The following ITPR2 variants were observed in gnomAD, a reference collection of about 807,000 sequenced individuals.
ITPR2 encodes inositol 1,4,5-trisphosphate receptor type 2.
A neutral mutation model predicts 317.1 loss-of-function variants in ITPR2; 207 were observed. The observed-to-expected ratio is 0.65, with a 90% CI of 0.58 to 0.73. The LOEUF is 0.73. Among genes scored for constraint, ITPR2 ranks in the 30% least tolerant of loss-of-function variants. ITPR2 has a pLI of 0.00. For synonymous variants in ITPR2, 1,156 were observed against 1,149.1 expected (o/e 1.01, Z -0.12); for missense variants, 2,613 against 3,284.0 (o/e 0.80, Z 4.99).
chr12:26,693,532 A>T (rs1386066553), intron 10 of ITPR2, among the ~76,000 whole-genome samples: 1 of 152,204 alleles, frequency 6.6e-6, no homozygotes, highest in African/African-American at 2.4e-5. Context: ...ACCTATACAT[A>T]TCCTCCTATA....
At chr12:26,772,418 ATATAT>A (rs1031145153) in intron 2 of ITPR2, among the ~76,000 whole-genome samples, 14 of 118,740 alleles carry the variant, frequency 1.2e-4, no homozygotes, top group South Asian at 7.0e-4. Context: ...ACACATTTAT[ATATAT>A]TATATATAAT....
At chr12:26,787,913 G>A (rs1434944411) in intron 2 of ITPR2, among the ~76,000 whole-genome samples, 5 of 149,314 alleles carry the variant, frequency 3.3e-5, no homozygotes, top group Non-Finnish European at 7.4e-5. Flanking sequence ...CTATCATAAG[G>A]TGACTATCCT....
At chr12:26,738,111 T>C (rs2137076308) in intron 2 of ITPR2, among the ~76,000 whole-genome samples, 1 of 152,298 alleles carries the variant, frequency 6.6e-6, no homozygotes, top group South Asian at 2.1e-4. Flanking sequence ...CACAGATTCT[T>C]TAATCTCTGT....
In ITPR2 at chr12:26,602,575, T is replaced by C. The variant is rs766687018; in HGVS notation, c.3552+42A>G. The stretch of plus-strand genomic sequence containing the variant: ...ATATATAAGCAAAACTTATTTGGCA[T>C]GCAAATATAAACCTATATAAGAATA... On this transcript the variant is annotated intron_variant, in intron 27 of 56. Transcript: ENST00000381340. The C allele has an allele frequency of 3.8e-6, 6 of 1,564,636 alleles. No homozygotes were observed. In the East Asian group the frequency reaches 6.8e-5, roughly 18 times the overall value.
chr12:26,615,390 T>C (rs1463976303), intron 26 of ITPR2, among the ~76,000 whole-genome samples: 1 of 151,920 alleles, frequency 6.6e-6, no homozygotes, highest in African/African-American at 2.4e-5. Context: ...AGTTTAAAAG[T>C]AAATTGGTAG....
chr12:26,615,731 C>T (rs1023234186), intron 26 of ITPR2, among the ~76,000 whole-genome samples: 31 of 152,184 alleles, frequency 2.0e-4, no homozygotes, highest in Non-Finnish European at 3.4e-4. Flanking sequence ...AATTTACAGG[C>T]ATCTAATGAC....
chr12:26,546,400 T>C (rs1189552974), intron 37 of ITPR2, among the ~76,000 whole-genome samples: 2 of 152,198 alleles, frequency 1.3e-5, no homozygotes, highest in Non-Finnish European at 2.9e-5. Context: ...TACCTTCATA[T>C]GATCAAATGT....
At chr12:26,392,246 G>A (rs1034085056) in intron 54 of ITPR2, among the ~76,000 whole-genome samples, 3 of 151,990 alleles carry the variant, frequency 2.0e-5, no homozygotes, top group Non-Finnish European at 2.9e-5. Flanking sequence ...CCTCTTCTTC[G>A]TCTCTGTTAA....
rs1555189219 is a variant in ITPR2, at chr12:26,772,470, T to TAA, written c.163+17686_163+17687insTT. 2.0e-5 allele frequency among the ~76,000 whole-genome samples: 2 copies of TAA among 101,210 alleles called. 1 individual carries two copies. The highest frequency in any genetic ancestry group is 5.2e-4 in the South Asian group (2 of 3,810). 66.4% of individuals were successfully genotyped at this position (101,210 alleles called of 152,430 possible). On this transcript the variant is annotated intron_variant, in intron 2 of 56. Transcript: ENST00000381340. ...ATATATTATATATATAATACATGTATTATATATAATATATATAATACATAT... is the reference window on the plus strand; with the variant it reads ...ATATATTATATATATAATACATGTATAATATATATAATATATATAATACATAT...
intron 2 of ITPR2, among the ~76,000 whole-genome samples, chr12:26,761,411 C>T (rs1949631285): frequency 6.6e-6 from 1 of 152,196 alleles, no homozygotes. Flanking sequence ...AAACCACCAA[C>T]AAAGAACAAA....
chr12:26,593,827 G>T (rs757167084), intron 32 of ITPR2, among the ~76,000 whole-genome samples: 27 of 151,918 alleles, frequency 1.8e-4, no homozygotes, highest in Non-Finnish European at 3.4e-4. Flanking sequence ...TTCTCAGGTG[G>T]CATAATCAAT....
rs144811310 is a variant in ITPR2, at chr12:26,651,794, G to A, written c.2740+2182C>T. ...CGCCCCCTCCTGTCAGAGTCATGAA[G>A]TGCAGTTTCTTTAAAATTTGGCTTT... On this transcript the variant is annotated intron_variant, in intron 21 of 56. Transcript: ENST00000381340. 5.4e-4 allele frequency among the ~76,000 whole-genome samples: 82 copies of A among 152,338 alleles called. No homozygotes were observed. In the East Asian group the frequency reaches 0.014, roughly 27 times the overall value.
In ITPR2 at chr12:26,599,279, C is replaced by A; in HGVS notation, c.3868G>T (p.Glu1290Ter). Residue 1290 changes from glutamate (E) to a stop codon, truncating the protein, a stop_gained, in exon 30 of 57, where the codon GAG becomes TAG. Coordinates refer to ENST00000381340, the MANE Select transcript of ITPR2 (RefSeq NM_002223.4). LOFTEE classifies it high-confidence loss of function. ...TGCACAAAGTGTTGTACAACTCTCT[C>A]GCTAATTTCGTTGCACAGATGGTAA... ...NNYHLCNEIS[E>*]RVVQHFVHCI... is the part of the protein sequence containing the mutation. The A allele has an allele frequency of 6.2e-7, 1 of 1,614,094 alleles. No homozygotes were observed. Among genetic ancestry groups the A allele is most frequent in the South Asian group, 1.1e-5 (1 of 91,082 alleles).
chr12:26,372,328 T>C (rs966352708), intron 55 of ITPR2, among the ~76,000 whole-genome samples: 1 of 152,216 alleles, frequency 6.6e-6, no homozygotes, highest in Non-Finnish European at 1.5e-5. Context: ...AAATAATAAT[T>C]TATTGAGCCC....
At chr12:26,711,082 C>T (rs1948635173) in intron 9 of ITPR2, 91 bp downstream of exon 9, 1 of 771,412 alleles carries the variant, frequency 1.3e-6, no homozygotes, top group Non-Finnish European at 2.3e-6. Context: ...AATGACTGTT[C>T]CTGCAAATAC....
intron 45 of ITPR2, among the ~76,000 whole-genome samples, chr12:26,451,753 G>A (rs1311164809): frequency 6.6e-6 from 1 of 152,090 alleles, no homozygotes; most frequent in Non-Finnish European, 1.5e-5. Context: ...AGACCCTACT[G>A]ATTATAATAA....
chr12:26,632,473 A>C (rs535929754), intron 21 of ITPR2, among the ~76,000 whole-genome samples: 31 of 152,324 alleles, frequency 2.0e-4, no homozygotes, highest in African/African-American at 6.3e-4. Context: ...ACTGCCTAAA[A>C]ACATTTAGAT....
chr12:26,689,152 C>T (rs1466725408), intron 10 of ITPR2, among the ~76,000 whole-genome samples: 1 of 152,188 alleles, frequency 6.6e-6, no homozygotes, highest in Non-Finnish European at 1.5e-5. Context: ...CACAGTGGCT[C>T]ATGCCTATAA....
chr12:26,669,913 G>C (rs1947715677), intron 13 of ITPR2, among the ~76,000 whole-genome samples: 1 of 152,262 alleles, frequency 6.6e-6, no homozygotes, highest in Admixed American at 6.5e-5. Flanking sequence ...ACATGGCTGG[G>C]AGGGTCCTAC....
Sources: allele counts gnomAD v4.1 joint callset (sites outside exome capture counted in the v4.1 genomes callset), GRCh38; gene constraint gnomAD v4.1.1; transcripts MANE v1.5; gene names NCBI Gene and HGNC (gene_info 2026-07-23, HGNC 2026-07-21).